Variants in AP3B2 observed in about 807,000 individuals in gnomAD.
AP3B2 encodes adaptor related protein complex 3 subunit beta 2.
In AP3B2, 50 loss-of-function variants were observed where a neutral mutation model predicts 126.9. The observed-to-expected ratio is 0.39, with a 90% CI of 0.31 to 0.50. AP3B2 has a LOEUF of 0.50. Ranked by LOEUF, AP3B2 falls within the 20% of genes least tolerant of loss-of-function variation. AP3B2 has a pLI of 0.79. For synonymous variants in AP3B2, 541 were observed against 565.0 expected, an observed-to-expected ratio of 0.96 and a Z score of 0.60; for missense variants, 1,177 against 1,426.4, an observed-to-expected ratio of 0.83 and a Z score of 2.82.
chr15:82,665,547 C>T lies in AP3B2; in HGVS notation c.1881G>A (p.Leu627=). The T allele has an allele frequency of 6.2e-7, 1 of 1,613,932 alleles. No homozygotes were observed. Among genetic ancestry groups the T allele is most frequent in the South Asian group, 1.1e-5 (1 of 91,068 alleles). Residue 627 remains leucine (L), a synonymous_variant, in exon 16 of 27, where the codon CTG becomes CTA. Transcript: ENST00000535359. This position sits in a 1 kb window ranked among gnomAD's most constrained non-coding sequence, Gnocchi z 4.4. ...TGGCCTTGGCATTAAGCAGGTGGGA[C>T]AGTGAGCCCAGCTGGAAGTGGTCCC... is the stretch of plus-strand genomic sequence containing the variant. ...KDRDHFQLGS[L]SHLLNAKATG... is the part of the protein sequence containing the mutation.
At chr15:82,709,491 G>A in intron 1 of AP3B2, 103 bp downstream of exon 1, 5 of 774,368 alleles carry the variant, frequency 6.5e-6, no homozygotes, top group Non-Finnish European at 8.1e-6. Flanking sequence ...GGCGCGGCCG[G>A]GGCGGGGCCG....
At chr15:82,663,462 A>T in intron 21 of AP3B2, 98 bp downstream of exon 21, 1 of 1,391,338 alleles carries the variant, frequency 7.2e-7, no homozygotes, top group Non-Finnish European at 1.0e-6. Context: ...CCCTGCTCCC[A>T]CAAGACCTGA....
chr15:82,664,039 C>G lies in AP3B2; in HGVS notation c.2262-64G>C. 6.5e-7 allele frequency: 1 copy of G among 1,539,480 alleles called. No individual in the cohort carries two copies. Among genetic ancestry groups the G allele is most frequent in the Non-Finnish European group, 8.7e-7 (1 of 1,146,892 alleles). On this transcript the variant is annotated intron_variant, in intron 19 of 26. Coordinates refer to ENST00000535359, the MANE Select transcript of AP3B2 (RefSeq NM_001278512.2). This position sits in a 1 kb window ranked among gnomAD's most constrained non-coding sequence, Gnocchi z 4.5. ...ACACTCCCTCCTTGCTTCACAGAAG[C>G]AGGAGAAATGCTGAAAAGCTGGAGT...
intron 1 of AP3B2, among the ~76,000 whole-genome samples, chr15:82,701,577 C>G (rs2048719958): frequency 6.6e-6 from 1 of 152,178 alleles, no homozygotes; most frequent in Non-Finnish European, 1.5e-5. Context: ...TCATTTTAAT[C>G]TGGCTTTAGA....
Position 82,664,573 on chromosome 15 carries a change from A to G in AP3B2, c.2138-83T>C. 1 of 1,527,516 alleles carries G rather than the reference A, an allele frequency of 6.5e-7. No homozygotes were observed. The highest frequency in any genetic ancestry group is 8.8e-7 in the Non-Finnish European group (1 of 1,132,482). The allele number at this position is 1,527,516 out of a possible 1,614,324, so 94.6% of individuals were successfully genotyped here. A position where few individuals can be genotyped will look rare whatever the true frequency, so the allele number is the denominator to read the frequency against. The stretch of plus-strand genomic sequence containing the variant: ...GCAGACACCTGGGTTCCACCTTCAC[A>G]TTCAGTACTGAACCCTCAAACCTCT... On this transcript the variant is annotated intron_variant, in intron 18 of 26. Coordinates refer to ENST00000535359, the MANE Select transcript of AP3B2 (RefSeq NM_001278512.2). The surrounding 1 kb of genome is among the most constrained non-coding windows in gnomAD (Gnocchi z 4.5).
chr15:82,677,304 T>C lies in AP3B2; in HGVS notation c.1458A>G (p.Lys486=), dbSNP rs2048259714. The change falls in exon 13 of 27, where the codon AAA becomes AAG. Residue 486 remains lysine (K), a synonymous_variant. Transcript: ENST00000535359. ...TGTTGTCTGTAAGCTTTGCCAAGTG[T>C]TTGATGATCTCTCCATGTTGTGCTG... is the stretch of plus-strand genomic sequence containing the variant. ...MQPAQHGEII[K]HLAKLTDNIQ... is the part of the protein sequence containing the mutation. The C allele has an allele frequency of 6.2e-7, 1 of 1,613,890 alleles. No homozygotes were observed. The highest frequency in any genetic ancestry group is 8.5e-7 in the Non-Finnish European group (1 of 1,179,856).
chr15:82,709,711 C>A lies in AP3B2; in HGVS notation c.-5G>T. 1 of 1,477,544 alleles carries A rather than the reference C, an allele frequency of 6.8e-7. No individual in the cohort carries two copies. Among genetic ancestry groups the A allele is most frequent in the Non-Finnish European group, 9.0e-7 (1 of 1,114,204 alleles). 91.5% of individuals were successfully genotyped at this position (1,477,544 alleles called of 1,614,324 possible). A position where few individuals can be genotyped will look rare whatever the true frequency, so the allele number is the denominator to read the frequency against. On this transcript the variant is annotated 5_prime_UTR_variant, in exon 1 of 27. Transcript: ENST00000535359. ...GTAGGCGGGGGCGGCCGACATGGGG[C>A]GGCCAGGGAGACTTCGCCGAGGAGG... is the stretch of plus-strand genomic sequence containing the variant.
chr15:82,689,163 T>A lies in AP3B2; in HGVS notation c.259A>T (p.Ile87Leu), dbSNP rs1289125072. ...CCTCACCAGGTAGTGCTCACCTCTA[T>A]GTTCTTACAGGCCACGTTCTTCACC... Reference protein sequence around the residue: ...AVVKNVACKNIEVKKLVYVYL... With the variant: ...AVVKNVACKNLEVKKLVYVYL... Residue 87 changes from isoleucine (I) to leucine (L), a missense_variant, in exon 3 of 27, where the codon ATA (isoleucine) becomes TTA (leucine). By Grantham distance (5) the Ile-to-Leu change is conservative. Coordinates refer to ENST00000535359, the MANE Select transcript of AP3B2 (RefSeq NM_001278512.2). 6.2e-7 allele frequency: 1 copy of A among 1,613,966 alleles called. No homozygotes were observed. The highest frequency in any genetic ancestry group is 8.5e-7 in the Non-Finnish European group (1 of 1,179,872).
At chr15:82,669,166 G>A (rs2048107896) in intron 14 of AP3B2, among the ~76,000 whole-genome samples, 1 of 152,146 alleles carries the variant, frequency 6.6e-6, no homozygotes, top group Non-Finnish European at 1.5e-5. Flanking sequence ...GGTGGTATAT[G>A]ACTATATATG....
intron 14 of AP3B2, among the ~76,000 whole-genome samples, chr15:82,667,817 C>T (rs2048085276): frequency 6.6e-6 from 1 of 152,186 alleles, no homozygotes; most frequent in African/African-American, 2.4e-5. Context: ...ATCAGTACTG[C>T]ACCTAGGCCT....
intron 1 of AP3B2, among the ~76,000 whole-genome samples, chr15:82,700,729 C>G (rs1326709587): frequency 1.3e-5 from 2 of 151,498 alleles, no homozygotes; most frequent in Non-Finnish European, 2.9e-5. Flanking sequence ...ATTTGAAACC[C>G]CTTTGACCCT....
intron 25 of AP3B2, 53 bp downstream of exon 25, chr15:82,661,772 T>C: frequency 2.8e-6 from 4 of 1,454,368 alleles, no homozygotes; most frequent in Non-Finnish European, 2.9e-6. Flanking sequence ...AGCTGGACAT[T>C]CTGGAGTCAG....
At chr15:82,683,975 C>T (rs2048386438) in intron 4 of AP3B2, among the ~76,000 whole-genome samples, 1 of 152,140 alleles carries the variant, frequency 6.6e-6, no homozygotes, top group Admixed American at 6.5e-5. Flanking sequence ...ATTCAGTAAA[C>T]CATAACTGCA....
intron 1 of AP3B2, chr15:82,692,376 C>A: frequency 2.0e-6 from 1 of 511,478 alleles, no homozygotes; most frequent in Non-Finnish European, 3.4e-6. Flanking sequence ...TCCCAACGCC[C>A]CCTCCCCGCA....
At position 82,676,547 on chromosome 15, in the gene AP3B2, C is replaced by A. The variant is rs755052322; in HGVS notation, c.1579G>T (p.Ala527Ser). The change falls in exon 14 of 27, where the codon GCC (alanine) becomes TCC (serine). Residue 527 changes from alanine (A) to serine (S), a missense_variant. Ala to Ser is a moderately conservative substitution (Grantham distance 99). Transcript: ENST00000535359. Reference protein sequence around the residue: ...RIAPDVLRKMAKSFTAEEDIV... With the variant: ...RIAPDVLRKMSKSFTAEEDIV... ...TCCTCCTCTGCTGTGAATGACTTGG[C>A]CATTTTTCTTAAGACATCAGGTGCA... The A allele has an allele frequency of 3.1e-6, 5 of 1,613,994 alleles. No homozygotes were observed. In the South Asian group the frequency reaches 5.5e-5, roughly 18 times the overall value.
Position 82,664,072 on chromosome 15 carries a change from G to C in AP3B2, c.2262-97C>G. 6.8e-7 allele frequency: 1 copy of C among 1,481,134 alleles called. No homozygotes were observed. Among genetic ancestry groups the C allele is most frequent in the Non-Finnish European group, 8.9e-7 (1 of 1,118,396 alleles). 91.7% of individuals were successfully genotyped at this position (1,481,134 alleles called of 1,614,324 possible). ...ATGCTGAAAAGCTGGAGTGGTGTGG[G>C]GAGCCTGAGCCAGGAGGGTTCACAC... On this transcript the variant is annotated intron_variant, in intron 19 of 26. Coordinates refer to ENST00000535359, the MANE Select transcript of AP3B2 (RefSeq NM_001278512.2). This position sits in a 1 kb window ranked among gnomAD's most constrained non-coding sequence, Gnocchi z 4.5.
intron 21 of AP3B2, 48 bp from the exon 22 acceptor site, chr15:82,663,281 G>A: frequency 7.0e-7 from 1 of 1,430,628 alleles, no homozygotes; most frequent in Non-Finnish European, 9.8e-7. Flanking sequence ...AGGTGGCTTG[G>A]GTTGAGCAGG....
chr15:82,677,830 C>T (rs1315087973), intron 11 of AP3B2, 27 bp from the exon 12 acceptor site: 2 of 1,568,566 alleles, frequency 1.3e-6, no homozygotes, highest in Non-Finnish European at 1.7e-6. Flanking sequence ...AGAAATCCCT[C>T]AGTGACTCTG....
intron 1 of AP3B2, among the ~76,000 whole-genome samples, chr15:82,706,089 G>T (rs2151463659): frequency 6.6e-6 from 1 of 152,220 alleles, no homozygotes; most frequent in South Asian, 2.1e-4. Flanking sequence ...TTACTGTTTT[G>T]GCCTAGCCCT....
Sources: gnomAD v4.1 joint callset for allele counts (sites outside exome capture counted in the v4.1 genomes callset) on GRCh38, gnomAD v4.1.1 for gene constraint, Gnocchi (gnomAD v3.1) non-coding constraint, MANE v1.5 for transcripts, NCBI Gene and HGNC (gene_info 2026-07-23, HGNC 2026-07-21) for gene names.